LMNB2: variants seen among roughly 807,000 people sequenced by gnomAD.
LMNB2 encodes lamin-B2.
LMNB2 carries 17 observed loss-of-function variants against 69.3 expected under a neutral mutation model. The ratio of observed to expected loss-of-function variants is 0.25; its 90% CI spans 0.17 to 0.37. The LOEUF (loss-of-function observed/expected upper bound fraction) is 0.37, where lower values mean the gene tolerates loss of function less well. Among genes scored for constraint, LMNB2 ranks in the 10% least tolerant of loss-of-function variants. The pLI, the probability that LMNB2 is intolerant of heterozygous loss-of-function variation, is 1.00. For missense variants in LMNB2, 789 were observed against 883.6 expected (o/e 0.89, Z 1.36); for synonymous variants, 397 against 389.3 (o/e 1.02, Z -0.23).
chr19:2,434,166 C>A (rs1971787824), intron 7 of LMNB2, 61 bp from the exon 8 acceptor site: 2 of 1,553,896 alleles, frequency 1.3e-6, no homozygotes, highest in South Asian at 2.3e-5. Flanking sequence ...CCAGGGCACG[C>A]AGAGTGGCGG....
intron 1 of LMNB2, among the ~76,000 whole-genome samples, chr19:2,451,421 T>C (rs1972019813): frequency 6.6e-6 from 1 of 152,210 alleles, no homozygotes; most frequent in Non-Finnish European, 1.5e-5. Context: ...GTGGTTCAGA[T>C]GCAGACAGTC....
rs1004119968 is a variant in LMNB2, at chr19:2,447,093, G to A, written c.265-2553C>T. 4.6e-5 allele frequency among the ~76,000 whole-genome samples: 7 copies of A among 151,332 alleles called. No homozygotes were observed. Among genetic ancestry groups the A allele is most frequent in the Non-Finnish European group, 4.4e-5 (3 of 67,866 alleles). The stretch of plus-strand genomic sequence containing the variant: ...CGGGAGGTGGAACTTGCAGTGAGCC[G>A]AGATCGCACCACTGCCCTCCAGCCT... On this transcript the variant is annotated intron_variant, in intron 1 of 11. Coordinates refer to ENST00000325327, the MANE Select transcript of LMNB2 (RefSeq NM_032737.4). The surrounding 1 kb of genome is among the most constrained non-coding windows in gnomAD (Gnocchi z 4.4).
rs578248100 is a variant in LMNB2, at chr19:2,439,407, C to T, written c.402-876G>A. On this transcript the variant is annotated intron_variant, in intron 2 of 11. Coordinates refer to ENST00000325327, the MANE Select transcript of LMNB2 (RefSeq NM_032737.4). ...GGTCGAGTGAGGACATCCAGGGTTC[C>T]GCAGCGTCACAACTGCTGACATTTG... Among the ~76,000 whole-genome samples the T allele has an allele frequency of 1.0e-3, 157 of 151,834 alleles. 1 individual carries two copies. Among genetic ancestry groups the T allele is most frequent in the South Asian group, 6.3e-4 (3 of 4,798 alleles).
Position 2,430,959 on chromosome 19 carries a change from G to A in LMNB2, c.1822-7C>T. 1.3e-6 allele frequency: 2 copies of A among 1,572,824 alleles called. No homozygotes were observed. Among genetic ancestry groups the A allele is most frequent in the Non-Finnish European group, 8.7e-7 (1 of 1,143,534 alleles). On this transcript the variant is annotated splice_polypyrimidine_tract_variant and splice_region_variant and intron_variant, in intron 11 of 11. Coordinates refer to ENST00000325327, the MANE Select transcript of LMNB2 (RefSeq NM_032737.4). ...AGGTGGTCCTCGGGTCCCCCTGCAG[G>A]AAGGAAGGAAGGAAGGTCGGCCATG...
In LMNB2 at chr19:2,444,397, C is replaced by T. The variant is rs1330750782; in HGVS notation, c.401+7G>A. On this transcript the variant is annotated splice_region_variant and intron_variant, in intron 2 of 11. Transcript: ENST00000325327. ...GGGTGACGTCGTGCCCAGCCGTGAC[C>T]ACTCACCTCTTGTTGACCTCGTCCA... 6.2e-7 allele frequency: 1 copy of T among 1,613,692 alleles called. No homozygotes were observed. Among genetic ancestry groups the T allele is most frequent in the Non-Finnish European group, 8.5e-7 (1 of 1,180,018 alleles).
At chr19:2,449,288 T>A (rs1971993124) in intron 1 of LMNB2, among the ~76,000 whole-genome samples, 1 of 152,188 alleles carries the variant, frequency 6.6e-6, no homozygotes, top group Non-Finnish European at 1.5e-5. Context: ...GTCTGTGGCC[T>A]AGGAGGCCAC....
At chr19:2,439,133 C>A (rs1971864207) in intron 2 of LMNB2, among the ~76,000 whole-genome samples, 2 of 142,334 alleles carry the variant, frequency 1.4e-5, no homozygotes, top group Non-Finnish European at 3.0e-5. Flanking sequence ...ATCCTCCTGT[C>A]TCAGCCTCCC....
chr19:2,446,973 T>C (rs1234956757), intron 1 of LMNB2, among the ~76,000 whole-genome samples: 1 of 151,854 alleles, frequency 6.6e-6, no homozygotes, highest in Non-Finnish European at 1.5e-5. Context: ...ACCCCGTCTC[T>C]ACTAAAAAAA....
rs1971790207 is a variant in LMNB2 at position 2,434,247 on chromosome 19, T to TCCTCCTGCCCC, written c.1202+47_1202+48insGGGGCAGGAGG. ...CCCCGTCCCGCCTCTCCTCCTGCCC[T>TCCTCCTGCCCC]GCCCCTCCTCCTCACTCTGTGCTCC... On this transcript the variant is annotated intron_variant, in intron 7 of 11. Transcript: ENST00000325327. 1.2e-5 allele frequency: 19 copies of TCCTCCTGCCCC among 1,591,902 alleles called. No individual in the cohort carries two copies. The East Asian group carries it at 1.3e-4, about 11-fold the overall frequency.
In LMNB2 at chr19:2,433,880, G is replaced by T; in HGVS notation, c.1428C>A (p.Ile476=). 6.2e-7 allele frequency: 1 copy of T among 1,613,234 alleles called. No homozygotes were observed. Among genetic ancestry groups the T allele is most frequent in the Non-Finnish European group, 8.5e-7 (1 of 1,179,880 alleles). ...ACTTGCCCTCCAGGTCGATCTCCTC[G>T]ATGCTGACGCTACCCGAGGCCGAGG... ...QQASASGSVS[I]EEIDLEGKFV... The change falls in exon 8 of 12, where the codon ATC becomes ATA. Residue 476 remains isoleucine (I), a synonymous_variant. Coordinates refer to ENST00000325327, the MANE Select transcript of LMNB2 (RefSeq NM_032737.4).
Position 2,456,746 on chromosome 19 carries a change from C to A in LMNB2, c.188G>T (p.Arg63Leu). The change falls in exon 1 of 12, where the codon CGC becomes CTC. Residue 63 changes from arginine (R) to leucine (L), a missense_variant. Arg to Leu is a moderately radical substitution (Grantham distance 102). Coordinates refer to ENST00000325327, the MANE Select transcript of LMNB2 (RefSeq NM_032737.4). ...GTTCTCCAGCTCCAGCGCGCGGACG[C>A]GGTCGATGTAGTGCGCCAGGCGGTC... is the stretch of plus-strand genomic sequence containing the variant. ...LNDRLAHYID[R>L]VRALELENDR... 1 of 1,563,852 alleles carries A rather than the reference C, an allele frequency of 6.4e-7. No individual in the cohort carries two copies. Among genetic ancestry groups the A allele is most frequent in the Non-Finnish European group, 8.7e-7 (1 of 1,155,458 alleles).
chr19:2,430,968 A>G lies in LMNB2; in HGVS notation c.1822-16T>C. ...TCGGGTCCCCCTGCAGGAAGGAAGG[A>G]AGGAAGGTCGGCCATGATCAGGGCC... is the stretch of plus-strand genomic sequence containing the variant. On this transcript the variant is annotated splice_polypyrimidine_tract_variant and intron_variant, in intron 11 of 11. Coordinates refer to ENST00000325327, the MANE Select transcript of LMNB2 (RefSeq NM_032737.4). 3 of 1,605,846 alleles carry G rather than the reference A, an allele frequency of 1.9e-6. No individual in the cohort carries two copies. The highest frequency in any genetic ancestry group is 2.6e-6 in the Non-Finnish European group (3 of 1,173,202).
chr19:2,446,842 T>C (rs1461820479), intron 1 of LMNB2, among the ~76,000 whole-genome samples: 1 of 152,114 alleles, frequency 6.6e-6, no homozygotes, highest in African/African-American at 2.4e-5. Flanking sequence ...CCATGCATGT[T>C]TGAAAACTAC....
At chr19:2,445,129 CG>C (rs1319817937) in intron 1 of LMNB2, among the ~76,000 whole-genome samples, 2 of 152,074 alleles carry the variant, frequency 1.3e-5, no homozygotes, top group Non-Finnish European at 2.9e-5. Flanking sequence ...GACAGCAACC[CG>C]GGGCCCTCCC....
intron 2 of LMNB2, among the ~76,000 whole-genome samples, chr19:2,439,795 G>A (rs984351971): frequency 1.3e-5 from 2 of 151,580 alleles, no homozygotes; most frequent in South Asian, 2.1e-4. Flanking sequence ...TTGCAATGGC[G>A]TGATCTCGGC....
In LMNB2 at chr19:2,432,416, C is replaced by G. The variant is rs749216360; in HGVS notation, c.1590G>C (p.Thr530=). ...KYILRAGQMV[T]VWAAGAGVAH... ...CTCGCCCTCCTGCCCCACCACCTAC[C>G]GTGACCATCTGGCCGGCGCGCAGGA... Residue 530 remains threonine (T), a splice_region_variant and synonymous_variant, in exon 9 of 12, where the codon ACG becomes ACC. Transcript: ENST00000325327. The G allele has an allele frequency of 1.2e-6, 2 of 1,611,962 alleles. No individual in the cohort carries two copies. The highest frequency in any genetic ancestry group is 1.7e-6 in the Non-Finnish European group (2 of 1,179,708).
intron 1 of LMNB2, 52 bp downstream of exon 1, chr19:2,456,618 G>A (rs1197176159): frequency 2.8e-6 from 4 of 1,410,518 alleles, no homozygotes; most frequent in Non-Finnish European, 3.7e-6. Context: ...CCCCGCGGTG[G>A]GCGGGGCCTG....
In LMNB2 at chr19:2,430,653, G is replaced by A. The variant is rs1971728312; in HGVS notation, c.*258C>T. The A allele has an allele frequency of 1.8e-6, 1 of 569,306 alleles. No individual in the cohort carries two copies. Among genetic ancestry groups the A allele is most frequent in the Admixed American group, 2.6e-5 (1 of 37,996 alleles). 35.3% of individuals were successfully genotyped at this position (569,306 alleles called of 1,614,324 possible). ...TTCTAAACCTCCGGGTCCTGGCCCT[G>A]GGCTTCCAATTTGACCAAATGGTGA... On this transcript the variant is annotated 3_prime_UTR_variant, in exon 12 of 12. Coordinates refer to ENST00000325327, the MANE Select transcript of LMNB2 (RefSeq NM_032737.4).
chr19:2,434,697 C>T lies in LMNB2; in HGVS notation c.981+91G>A, dbSNP rs1037074013. The T allele has an allele frequency of 2.0e-6, 3 of 1,525,824 alleles. No homozygotes were observed. In the East Asian group the frequency reaches 7.3e-5, roughly 37 times the overall value. The allele number at this position is 1,525,824 out of a possible 1,614,324, so 94.5% of individuals were successfully genotyped here. A position where few individuals can be genotyped will look rare whatever the true frequency, so the allele number is the denominator to read the frequency against. On this transcript the variant is annotated intron_variant, in intron 6 of 11. Transcript: ENST00000325327. ...GCGCCCCGAGGGCTGCATCCGATGC[C>T]AAGAGGCCAGAGCCCCACGCCCCGC...
Sources: gnomAD v4.1 joint callset for allele counts (sites outside exome capture counted in the v4.1 genomes callset) on GRCh38, gnomAD v4.1.1 for gene constraint, Gnocchi (gnomAD v3.1) non-coding constraint, MANE v1.5 for transcripts, NCBI Gene and HGNC (gene_info 2026-07-23, HGNC 2026-07-21) for gene names.